Variants in FMO3 observed in about 807,000 individuals in gnomAD.
The protein encoded by FMO3 is flavin-containing monooxygenase 3.
Under a neutral mutation model 39.4 loss-of-function variants are expected in FMO3, and 40 were observed. That is an observed-to-expected ratio of 1.02 (90% CI 0.79 to 1.32). The LOEUF is 1.32. FMO3 is among the 40% of genes most tolerant of loss of function. FMO3 has a pLI of 0.00. For missense variants in FMO3, 680 were observed against 651.8 expected (o/e 1.04, Z -0.47); for synonymous variants, 219 against 228.8 (o/e 0.96, Z 0.39).
At position 171,117,584 on chromosome 1, in the gene FMO3, A is replaced by C; in HGVS notation, c.*142A>C. 1 of 632,334 alleles carries C rather than the reference A, an allele frequency of 1.6e-6. No homozygotes were observed. Among genetic ancestry groups the C allele is most frequent in the Non-Finnish European group, 2.7e-6 (1 of 367,250 alleles). The allele number at this position is 632,334 out of a possible 1,614,324, so 39.2% of individuals were successfully genotyped here. On this transcript the variant is annotated 3_prime_UTR_variant, in exon 9 of 9. Transcript: ENST00000367755. The stretch of plus-strand genomic sequence containing the variant: ...CTCTGTAGACATTAGTCAGTAATAC[A>C]GTGTTATTTCTAGGCTCTGAAATAG...
chr1:171,091,883 T>C (rs1263442350), intron 1 of FMO3, among the ~76,000 whole-genome samples: 5 of 149,422 alleles, frequency 3.3e-5, no homozygotes, highest in Non-Finnish European at 7.4e-5. Context: ...AAAAAGAAGA[T>C]ACAGATTGCG....
At chr1:171,109,507 A>G (rs1186909590) in intron 5 of FMO3, among the ~76,000 whole-genome samples, 2 of 140,272 alleles carry the variant, frequency 1.4e-5, no homozygotes, top group Non-Finnish European at 3.1e-5. Context: ...TATTTAATTA[A>G]TTGATCCTTT....
intron 2 of FMO3, among the ~76,000 whole-genome samples, chr1:171,096,129 AG>A: frequency 3.0e-5 from 2 of 67,640 alleles, no homozygotes; most frequent in Non-Finnish European, 5.3e-5. Flanking sequence ...TTAATAATAT[AG>A]TAATTATTAT....
In FMO3 at chr1:171,096,799, TG is replaced by T. The variant is rs1378073213; in HGVS notation, c.132+4010del. Among the ~76,000 whole-genome samples, 8 of 131,122 alleles carry T rather than the reference TG, an allele frequency of 6.1e-5. No individual in the cohort carries two copies. The East Asian group carries it at 9.0e-4, about 15-fold the overall frequency. The allele number at this position is 131,122 out of a possible 152,430, so 86.0% of individuals were successfully genotyped here. ...TAATTATATTAAAAATATATATATT[TG>T]TAATTATACTTTAAGTTCTAGGGTA... is the stretch of plus-strand genomic sequence containing the variant. On this transcript the variant is annotated intron_variant, in intron 2 of 8. Coordinates refer to ENST00000367755, the MANE Select transcript of FMO3 (RefSeq NM_001002294.3).
rs143286230 is a variant in FMO3, at chr1:171,107,367, T to C, written c.322-308T>C. Among the ~76,000 whole-genome samples, 48 of 152,344 alleles carry C rather than the reference T, an allele frequency of 3.2e-4. 1 individual carries two copies. In the East Asian group the frequency reaches 9.1e-3, roughly 29 times the overall value. The stretch of plus-strand genomic sequence containing the variant: ...TACAGGAATGTGATCCAGAACATCA[T>C]TGGCCATCAGATTTTCTAGTATATG... On this transcript the variant is annotated intron_variant, in intron 3 of 8. Coordinates refer to ENST00000367755, the MANE Select transcript of FMO3 (RefSeq NM_001002294.3).
rs1381730592 is a variant in FMO3, at chr1:171,095,911, A to AGT, written c.132+3121_132+3122insGT. Reference sequence around the variant, plus strand: ...ATTATATATAATTATAATATGTATAAATATATATTTATATAATTATATATA... The same window carrying AGT: ...ATTATATATAATTATAATATGTATAAGTATATATATTTATATAATTATATATA... On this transcript the variant is annotated intron_variant, in intron 2 of 8. Transcript: ENST00000367755. Among the ~76,000 whole-genome samples, 3 of 320 alleles carry AGT rather than the reference A, an allele frequency of 9.4e-3. No homozygotes were observed. The Admixed American group carries it at 0.12, about 12-fold the overall frequency. The allele number at this position is 320 out of a possible 152,430, so 0.2% of individuals were successfully genotyped here. A position where few individuals can be genotyped will look rare whatever the true frequency, so the allele number is the denominator to read the frequency against.
At chr1:171,114,389 T>C (rs1354554943) in intron 7 of FMO3, 27 bp downstream of exon 7, 22 of 1,509,236 alleles carry the variant, frequency 1.5e-5, no homozygotes, top group Non-Finnish European at 2.0e-5. Flanking sequence ...GCTCATGGAT[T>C]GCGAAGATGA....
chr1:171,093,988 C>T (rs1337172946), intron 2 of FMO3, among the ~76,000 whole-genome samples: 1 of 151,602 alleles, frequency 6.6e-6, no homozygotes, highest in Non-Finnish European at 1.5e-5. Flanking sequence ...GTGCCCACAC[C>T]CAGCTAATTT....
At position 171,098,479 on chromosome 1, in the gene FMO3, G is replaced by T. The variant is rs572893528; in HGVS notation, c.133-5306G>T. ...CTTTCATTTTGTTGAGCAGTGGTTT[G>T]TAGTTCTCCTTGAAGAGGTCTTTCA... On this transcript the variant is annotated intron_variant, in intron 2 of 8. Coordinates refer to ENST00000367755, the MANE Select transcript of FMO3 (RefSeq NM_001002294.3). Among the ~76,000 whole-genome samples the T allele has an allele frequency of 2.0e-5, 3 of 152,264 alleles. No individual in the cohort carries two copies. The East Asian group carries it at 5.8e-4, about 29-fold the overall frequency.
Position 171,114,296 on chromosome 1 carries a change from C to T in FMO3, c.1117C>T (p.Gln373Ter). Residue 373 changes from glutamine (Q) to a stop codon, truncating the protein, a stop_gained, in exon 7 of 9, where the codon CAG becomes TAG. Transcript: ENST00000367755. LOFTEE classifies it high-confidence loss of function. Reference sequence around the variant, plus strand: ...AACCATAGCAGTGATTGGCTTTGTCCAGTCCCTTGGGGCTGCCATTCCCAC... The same window carrying T: ...AACCATAGCAGTGATTGGCTTTGTCTAGTCCCTTGGGGCTGCCATTCCCAC... ...KSTIAVIGFV[Q>*]SLGAAIPTVD... The T allele has an allele frequency of 1.9e-6, 3 of 1,613,918 alleles. No individual in the cohort carries two copies. Among genetic ancestry groups the T allele is most frequent in the Non-Finnish European group, 2.5e-6 (3 of 1,179,924 alleles).
At chr1:171,099,264 A>C (rs1027296796) in intron 2 of FMO3, among the ~76,000 whole-genome samples, 3 of 152,128 alleles carry the variant, frequency 2.0e-5, no homozygotes, top group African/African-American at 4.8e-5. Context: ...TCTGAGAGAC[A>C]GTTTGTTATA....
At position 171,107,749 on chromosome 1, in the gene FMO3, T is replaced by G; in HGVS notation, c.396T>G (p.Asp132Glu). 1 of 1,613,704 alleles carries G rather than the reference T, an allele frequency of 6.2e-7. No individual in the cohort carries two copies. The highest frequency in any genetic ancestry group is 8.5e-7 in the Non-Finnish European group (1 of 1,179,720). Reference sequence around the variant, plus strand: ...AGTGGGATGTTACCACTGAAAGGGATGGTAAAAAAGAATCGGCTGTCTTTG... The same window carrying G: ...AGTGGGATGTTACCACTGAAAGGGAGGGTAAAAAAGAATCGGCTGTCTTTG... ...TGQWDVTTER[D>E]GKKESAVFDA... Residue 132 changes from aspartate (D) to glutamate (E), a missense_variant, in exon 4 of 9, where the codon GAT becomes GAG. Physicochemically the swap from Asp to Glu is conservative, Grantham distance 45. Coordinates refer to ENST00000367755, the MANE Select transcript of FMO3 (RefSeq NM_001002294.3).
At chr1:171,113,261 C>G (rs571563529) in intron 6 of FMO3, among the ~76,000 whole-genome samples, 1 of 152,162 alleles carries the variant, frequency 6.6e-6, no homozygotes, top group African/African-American at 2.4e-5. Context: ...TAGTCCAAAG[C>G]TCTCTCTTTC....
intron 6 of FMO3, 73 bp from the exon 7 acceptor site, chr1:171,113,934 C>T (rs1182150158): frequency 1.8e-6 from 2 of 1,089,796 alleles, no homozygotes; most frequent in Non-Finnish European, 2.6e-6. Flanking sequence ...CCTTCCTTAT[C>T]AATTTATATA....
chr1:171,098,697 C>T (rs1032858445), intron 2 of FMO3, among the ~76,000 whole-genome samples: 3 of 152,118 alleles, frequency 2.0e-5, no homozygotes, highest in Non-Finnish European at 2.9e-5. Flanking sequence ...TGGGCTGAGA[C>T]GATGGGGTTT....
At chr1:171,105,509 T>A (rs1373987718) in intron 3 of FMO3, among the ~76,000 whole-genome samples, 3 of 152,112 alleles carry the variant, frequency 2.0e-5, no homozygotes. Flanking sequence ...CCACCAACAG[T>A]GTAAAAGTGT....
chr1:171,096,796 A>T (rs1477421008), intron 2 of FMO3, among the ~76,000 whole-genome samples: 15 of 130,292 alleles, frequency 1.2e-4, no homozygotes, highest in African/African-American at 2.9e-4. Flanking sequence ...AAATATATAT[A>T]TTTGTAATTA....
rs1228257104 is a variant in FMO3, at chr1:171,093,827, C to CTTTTTTTTTTTT, written c.132+1051_132+1062dup. 2.0e-4 allele frequency among the ~76,000 whole-genome samples: 15 copies of CTTTTTTTTTTTT among 75,308 alleles called. 1 individual carries two copies. Among genetic ancestry groups the CTTTTTTTTTTTT allele is most frequent in the East Asian group, 1.5e-3 (3 of 1,958 alleles). 49.4% of individuals were successfully genotyped at this position (75,308 alleles called of 152,430 possible). Reference sequence around the variant, plus strand: ...CTTTTCTCCACATACTCACTAATATCTTTTTTTTTTTTTTTTTTTTTTTTT... The same window carrying CTTTTTTTTTTTT: ...CTTTTCTCCACATACTCACTAATATCTTTTTTTTTTTTTTTTTTTTTTTTTTTTTTTTTTTTT... On this transcript the variant is annotated intron_variant, in intron 2 of 8. Coordinates refer to ENST00000367755, the MANE Select transcript of FMO3 (RefSeq NM_001002294.3).
chr1:171,117,079 T>C lies in FMO3; in HGVS notation c.1257-21T>C, dbSNP rs1283396709. Reference sequence around the variant, plus strand: ...CACAGAGTTTGGGTATCCACAGTGGTGTTTTCTCTCCCATCTCCAGGTTTG... The same window carrying C: ...CACAGAGTTTGGGTATCCACAGTGGCGTTTTCTCTCCCATCTCCAGGTTTG... On this transcript the variant is annotated intron_variant, in intron 8 of 8. Coordinates refer to ENST00000367755, the MANE Select transcript of FMO3 (RefSeq NM_001002294.3). The C allele has an allele frequency of 1.0e-5, 16 of 1,576,294 alleles. No homozygotes were observed. The Admixed American group carries it at 2.2e-4, about 21-fold the overall frequency.
Sources: allele counts gnomAD v4.1 joint callset (sites outside exome capture counted in the v4.1 genomes callset), GRCh38; gene constraint gnomAD v4.1.1; transcripts MANE v1.5; gene names NCBI Gene and HGNC (gene_info 2026-07-23, HGNC 2026-07-21).